The following SLC7A7 variants were observed in gnomAD, a reference collection of about 807,000 sequenced individuals.
The protein encoded by SLC7A7 is Y+L amino acid transporter 1.
SLC7A7 carries 39 observed loss-of-function variants against 47.9 expected under a neutral mutation model. That is an observed-to-expected ratio of 0.81 (90% CI 0.63 to 1.06). The LOEUF (loss-of-function observed/expected upper bound fraction) is 1.06, where lower values mean the gene tolerates loss of function less well. Among genes scored for constraint, SLC7A7 ranks in the 50% least tolerant of loss-of-function variants. The pLI, the probability that SLC7A7 is intolerant of heterozygous loss-of-function variation, is 0.00. For missense variants in SLC7A7, 588 were observed against 632.0 expected (o/e 0.93, Z 0.75); for synonymous variants, 234 against 242.8 (o/e 0.96, Z 0.34).
At chr14:22,791,584 G>A (rs903773080) in intron 2 of SLC7A7, among the ~76,000 whole-genome samples, 2 of 152,130 alleles carry the variant, frequency 1.3e-5, no homozygotes, top group Non-Finnish European at 2.9e-5. Context: ...CTGGGTCTGT[G>A]TATAGTCAGA....
Position 22,779,913 on chromosome 14 carries a change from T to C in SLC7A7, c.625+13A>G. 1 of 1,613,882 alleles carries C rather than the reference T, an allele frequency of 6.2e-7. No homozygotes were observed. The highest frequency in any genetic ancestry group is 8.5e-7 in the Non-Finnish European group (1 of 1,179,774). The stretch of plus-strand genomic sequence containing the variant: ...CTTAAAAAAGATTAGTTGCTACTAA[T>C]ATTATTTCTTACCCTGGCCAAGTCT... On this transcript the variant is annotated intron_variant, in intron 3 of 9. Transcript: ENST00000674313.
chr14:22,773,906 G>A, intron 9 of SLC7A7, 27 bp downstream of exon 9: 4 of 1,613,454 alleles, frequency 2.5e-6, no homozygotes, highest in South Asian at 1.1e-5. Context: ...TGCAATAGCT[G>A]AGCGGACTTA....
At chr14:22,778,240 A>G (rs2038652576) in intron 4 of SLC7A7, among the ~76,000 whole-genome samples, 1 of 152,238 alleles carries the variant, frequency 6.6e-6, no homozygotes, top group Non-Finnish European at 1.5e-5. Flanking sequence ...CCTCAAGGTT[A>G]GCCAACAAGT....
intron 2 of SLC7A7, among the ~76,000 whole-genome samples, chr14:22,812,067 G>A (rs912520921): frequency 6.6e-6 from 1 of 152,096 alleles, no homozygotes; most frequent in African/African-American, 2.4e-5. Flanking sequence ...AAGTAGAAAA[G>A]AATGTCACTG....
intron 2 of SLC7A7, chr14:22,780,376 G>A (rs765618788): frequency 9.6e-5 from 30 of 312,372 alleles, no homozygotes; most frequent in Admixed American, 4.5e-4. Context: ...ATTAGTGATT[G>A]TTCCGGCTCT....
chr14:22,796,532 G>A (rs1248296708), intron 2 of SLC7A7, among the ~76,000 whole-genome samples: 1 of 152,218 alleles, frequency 6.6e-6, no homozygotes, highest in African/African-American at 2.4e-5. Flanking sequence ...GGCCACATGT[G>A]TATGACACGA....
intron 2 of SLC7A7, among the ~76,000 whole-genome samples, chr14:22,812,599 GCACTCCA>G (rs1462508027): frequency 1.3e-5 from 2 of 148,524 alleles, no homozygotes; most frequent in African/African-American, 2.5e-5. Flanking sequence ...TCACACCACT[GCACTCCA>G]GTCTGGGTGA....
chr14:22,773,627 C>A lies in SLC7A7; in HGVS notation c.1519G>T (p.Asp507Tyr). 6.2e-7 allele frequency: 1 copy of A among 1,614,052 alleles called. No homozygotes were observed. The highest frequency in any genetic ancestry group is 8.5e-7 in the Non-Finnish European group (1 of 1,179,924). Residue 507 changes from aspartate to tyrosine, a missense_variant, in exon 10 of 10, where the codon GAT becomes TAT. By Grantham distance (160) the Asp-to-Tyr change is radical. Coordinates refer to ENST00000674313, the MANE Select transcript of SLC7A7 (RefSeq NM_003982.4). ...EDGGEMPKQR[D>Y]PKSN ...GATGGTGTTTAGTTAGATTTGGGAT[C>A]CCGTTGCTTGGGCATCTCTCCTCCA...
At chr14:22,817,540 C>G (rs548874948), upstream of SLC7A7, among the ~76,000 whole-genome samples, 6 of 152,266 alleles carry the variant, frequency 3.9e-5, no homozygotes, top group South Asian at 1.2e-3. Flanking sequence ...GGGGTTTCAC[C>G]ACATTGACCA....
intron 2 of SLC7A7, among the ~76,000 whole-genome samples, chr14:22,806,128 A>C (rs1446964547): frequency 1.3e-5 from 2 of 150,094 alleles, no homozygotes; most frequent in East Asian, 1.9e-4. Flanking sequence ...CAAAAAAAAA[A>C]AAAAAAAAAA....
At position 22,778,797 on chromosome 14, in the gene SLC7A7, C is replaced by T; in HGVS notation, c.766G>A (p.Glu256Lys). ...AGTTGGTGGTGCAGTACCTACCTCT[C>T]AGGATTCTTGATCTCTTCAGTGACA... ...NYVTEEIKNP[E>K]RNLPLSIGIS... is the part of the protein sequence containing the mutation. The change falls in exon 4 of 10, where the codon GAG (glutamate) becomes AAG (lysine). Residue 256 changes from glutamate (E) to lysine (K), a missense_variant. Transcript: ENST00000674313. The T allele has an allele frequency of 6.2e-7, 1 of 1,614,088 alleles. No individual in the cohort carries two copies. The highest frequency in any genetic ancestry group is 2.2e-5 in the East Asian group (1 of 44,888).
rs375485114 is a variant in SLC7A7, at chr14:22,812,952, C to T, written c.447G>A (p.Pro149=). 1.9e-5 allele frequency: 30 copies of T among 1,613,608 alleles called. No homozygotes were observed. The highest frequency in any genetic ancestry group is 2.1e-5 in the Non-Finnish European group (25 of 1,179,990). Residue 149 remains proline, a synonymous_variant, in exon 2 of 10, where the codon CCG becomes CCA. Coordinates refer to ENST00000674313, the MANE Select transcript of SLC7A7 (RefSeq NM_003982.4). ...FANYMVQPLF[P]SCFAPYAASR... ...TGGCAGCATAAGGGGCGAAGCAGCT[C>T]GGGAAGAGAGGCTGTACCATGTAGT...
At chr14:22,800,122 G>C (rs1307864605) in intron 2 of SLC7A7, among the ~76,000 whole-genome samples, 1 of 152,122 alleles carries the variant, frequency 6.6e-6, no homozygotes, top group Non-Finnish European at 1.5e-5. Flanking sequence ...CATAGCAGCA[G>C]CTTCCCACCT....
Position 22,774,450 on chromosome 14 carries a change from G to A in SLC7A7, c.1149C>T (p.Asn383=), listed in dbSNP as rs758810096. The A allele has an allele frequency of 2.5e-6, 4 of 1,614,160 alleles. No individual in the cohort carries two copies. In the East Asian group the frequency reaches 8.9e-5, roughly 36 times the overall value. The change falls in exon 8 of 10, where the codon AAC becomes AAT. Residue 383 remains asparagine, a synonymous_variant. Transcript: ENST00000674313. ...LCVEDIFQLI[N]YYSFSYWFFV... is the part of the protein sequence containing the mutation. The stretch of plus-strand genomic sequence containing the variant: ...AGAACCAGTAGCTGAAGCTGTAGTA[G>A]TTAATGAGCTGGAAGATGTCTTCCA...
intron 2 of SLC7A7, among the ~76,000 whole-genome samples, chr14:22,795,449 ATTCTTTTCTTTTCTTTTCTTTTCTT>A (rs141036441): frequency 8.1e-6 from 1 of 123,822 alleles, no homozygotes; most frequent in African/African-American, 3.1e-5. Flanking sequence ...TTTCTTTTCT[ATTCTTTTCTTTTCTTTTCTTTTCTT>A]TTCTTTTCTT....
chr14:22,778,761 C>G (rs1235897550), intron 4 of SLC7A7, 32 bp downstream of exon 4: 1 of 1,609,254 alleles, frequency 6.2e-7, no homozygotes, highest in East Asian at 2.2e-5. Flanking sequence ...ATGGCTATCA[C>G]TGCTATGGAA....
intron 2 of SLC7A7, among the ~76,000 whole-genome samples, chr14:22,791,867 C>T: frequency 6.8e-6 from 1 of 147,226 alleles, no homozygotes; most frequent in East Asian, 2.0e-4. Context: ...TGGAGTCTCG[C>T]TCTGTCGCCC....
At chr14:22,775,644 G>A in intron 6 of SLC7A7, 104 bp from the exon 7 acceptor site, 1 of 1,048,646 alleles carries the variant, frequency 9.5e-7, no homozygotes, top group South Asian at 1.3e-5. Flanking sequence ...TCCTTCAAAA[G>A]TATTTGGATA....
At position 22,778,951 on chromosome 14, in the gene SLC7A7, A is replaced by T; in HGVS notation, c.626-14T>A. On this transcript the variant is annotated splice_polypyrimidine_tract_variant and intron_variant, in intron 3 of 9. Coordinates refer to ENST00000674313, the MANE Select transcript of SLC7A7 (RefSeq NM_003982.4). The stretch of plus-strand genomic sequence containing the variant: ...GAGTAGAGGCTCCTGGAACCCAAGA[A>T]CATTGGAAGGCAGGGGATTAGTGGC... 1 of 1,613,650 alleles carries T rather than the reference A, an allele frequency of 6.2e-7. No homozygotes were observed. The highest frequency in any genetic ancestry group is 8.5e-7 in the Non-Finnish European group (1 of 1,179,990).
Sources: gnomAD v4.1 joint callset for allele counts (sites outside exome capture counted in the v4.1 genomes callset) on GRCh38, gnomAD v4.1.1 for gene constraint, MANE v1.5 for transcripts, NCBI Gene and HGNC (gene_info 2026-07-23, HGNC 2026-07-21) for gene names.